The following SMG6 variants were observed in gnomAD, a reference collection of about 807,000 sequenced individuals.
The protein encoded by SMG6 is telomerase-binding protein EST1A.
Under a neutral mutation model 142.2 loss-of-function variants are expected in SMG6, and 66 were observed. That is an observed-to-expected ratio of 0.46 (90% CI 0.38 to 0.57). The LOEUF (loss-of-function observed/expected upper bound fraction) is 0.57. Ranked by LOEUF, SMG6 falls within the 20% of genes least tolerant of loss-of-function variation. SMG6 has a pLI of 0.00. For missense variants in SMG6, 1,793 were observed against 1,832.0 expected (o/e 0.98, Z 0.39); for synonymous variants, 779 against 702.4 (o/e 1.11, Z -1.72).
At chr17:2,086,258 G>A (rs2068558543) in intron 13 of SMG6, among the ~76,000 whole-genome samples, 1 of 152,216 alleles carries the variant, frequency 6.6e-6, no homozygotes, top group Non-Finnish European at 1.5e-5. Context: ...AGAGGGAAGA[G>A]TGGAGTGCTT....
At chr17:2,152,463 A>G (rs1285415988) in intron 13 of SMG6, among the ~76,000 whole-genome samples, 1 of 152,216 alleles carries the variant, frequency 6.6e-6, no homozygotes, top group Non-Finnish European at 1.5e-5. Context: ...TACCTGACAA[A>G]GGATTTGCAT....
chr17:2,127,710 A>G lies in SMG6; in HGVS notation c.3358-41809T>C, dbSNP rs533694208. Reference sequence around the variant, plus strand: ...CTAATTTAGTATCTGTTCGGACTTTAATCACTTCATCCATTACTTGTTTTA... The same window carrying G: ...CTAATTTAGTATCTGTTCGGACTTTGATCACTTCATCCATTACTTGTTTTA... On this transcript the variant is annotated intron_variant, in intron 13 of 18. Transcript: ENST00000263073. 8.8e-5 allele frequency: 50 copies of G among 566,626 alleles called. 2 individuals are homozygous for G. Among genetic ancestry groups the G allele is most frequent in the African/African-American group, 2.6e-4 (14 of 53,308 alleles). The allele number at this position is 566,626 out of a possible 1,614,324, so 35.1% of individuals were successfully genotyped here.
chr17:2,149,633 T>C (rs963079325), intron 13 of SMG6, among the ~76,000 whole-genome samples: 1 of 152,206 alleles, frequency 6.6e-6, no homozygotes, highest in Non-Finnish European at 1.5e-5. Context: ...TAGGCACTCC[T>C]TGACATCGTG....
intron 13 of SMG6, among the ~76,000 whole-genome samples, chr17:2,159,022 C>G (rs1175068244): frequency 6.6e-6 from 1 of 151,938 alleles, no homozygotes; most frequent in African/African-American, 2.4e-5. Flanking sequence ...AGAAAACACC[C>G]CAATGTTTAA....
intron 6 of SMG6, among the ~76,000 whole-genome samples, chr17:2,287,549 T>C (rs2151386808): frequency 6.6e-6 from 1 of 152,324 alleles, no homozygotes; most frequent in East Asian, 1.9e-4. Flanking sequence ...TCTGGGTATG[T>C]ACCCAGAAGA....
intron 12 of SMG6, among the ~76,000 whole-genome samples, chr17:2,181,481 A>T (rs2071804339): frequency 6.6e-6 from 1 of 152,212 alleles, no homozygotes; most frequent in Non-Finnish European, 1.5e-5. Context: ...AGAGCACAGA[A>T]GGAGATGTTT....
chr17:2,139,168 T>C (rs962661921), intron 13 of SMG6, among the ~76,000 whole-genome samples: 5 of 152,180 alleles, frequency 3.3e-5, no homozygotes, highest in East Asian at 3.8e-4. Context: ...TTCCAGGGTA[T>C]TGGGAGTGAC....
chr17:2,262,450 T>C (rs1205662690), intron 8 of SMG6, among the ~76,000 whole-genome samples: 8 of 152,224 alleles, frequency 5.3e-5, no homozygotes, highest in Admixed American at 5.2e-4. Context: ...ATCTGTACCA[T>C]GGCCCAAGAC....
At chr17:2,161,489 A>C (rs186121652) in intron 13 of SMG6, among the ~76,000 whole-genome samples, 1 of 151,486 alleles carries the variant, frequency 6.6e-6, no homozygotes, top group East Asian at 1.9e-4. Flanking sequence ...TCGGCTCACT[A>C]ATCTTCAGGT....
At chr17:2,172,584 C>G (rs908216324) in intron 13 of SMG6, 74 bp downstream of exon 13, 4 of 1,529,548 alleles carry the variant, frequency 2.6e-6, no homozygotes, top group Non-Finnish European at 3.6e-6. Context: ...GCACAGAAAA[C>G]TTCCCAAGAA....
At chr17:2,267,228 A>G (rs1294576092) in intron 8 of SMG6, among the ~76,000 whole-genome samples, 1 of 152,200 alleles carries the variant, frequency 6.6e-6, no homozygotes, top group Non-Finnish European at 1.5e-5. Flanking sequence ...CTTTTGAGGC[A>G]GGGTCTCACT....
chr17:2,186,716 G>A lies in SMG6; in HGVS notation c.3102C>T (p.Leu1034=), dbSNP rs765133081. The A allele has an allele frequency of 3.6e-5, 58 of 1,614,074 alleles. No individual in the cohort carries two copies. The highest frequency in any genetic ancestry group is 6.7e-5 in the East Asian group (3 of 44,886). The change falls in exon 12 of 19, where the codon CTC becomes CTT. Residue 1034 remains leucine (L), a synonymous_variant. Transcript: ENST00000263073. ...GAGGATTCCAGGTGTCCGGGTAGCC[G>A]AGCATCCAATCTGACCAGACTTTGA... ...PSVKVWSDWM[L]GYPDTWNPPP... is the part of the protein sequence containing the mutation.
chr17:2,296,071 G>A (rs9902470), intron 4 of SMG6, among the ~76,000 whole-genome samples: 1 of 152,128 alleles, frequency 6.6e-6, no homozygotes, highest in Non-Finnish European at 1.5e-5. Context: ...ATTTGCCCAA[G>A]TGACTGGTTC....
intron 13 of SMG6, among the ~76,000 whole-genome samples, chr17:2,109,398 T>C (rs1272505102): frequency 6.6e-6 from 1 of 152,080 alleles, no homozygotes; most frequent in Non-Finnish European, 1.5e-5. Context: ...TAAGTAGCTG[T>C]GATTATAGGC....
At chr17:2,173,782 CACTT>C (rs1276585487) in intron 12 of SMG6, among the ~76,000 whole-genome samples, 2 of 148,850 alleles carry the variant, frequency 1.3e-5, no homozygotes, top group Non-Finnish European at 3.0e-5. Flanking sequence ...CTGTCACCAT[CACTT>C]GTCAAAAATC....
chr17:2,081,358 G>T (rs1255334319), intron 15 of SMG6, among the ~76,000 whole-genome samples: 1 of 152,064 alleles, frequency 6.6e-6, no homozygotes, highest in East Asian at 1.9e-4. Context: ...GGAGTATCTT[G>T]TCCAGAGGAG....
intron 10 of SMG6, among the ~76,000 whole-genome samples, chr17:2,224,977 G>A (rs2073275282): frequency 6.6e-6 from 1 of 152,138 alleles, no homozygotes; most frequent in South Asian, 2.1e-4. Context: ...TCAATGGGCT[G>A]AGCAAAAGTA....
rs1567562238 is a variant in SMG6 at position 2,061,470 on chromosome 17, G to A, written c.*22C>T. The A allele has an allele frequency of 6.4e-7, 1 of 1,565,378 alleles. No homozygotes were observed. On this transcript the variant is annotated 3_prime_UTR_variant, in exon 19 of 19. Transcript: ENST00000263073. ...GCCTTTCAGGAACGGTTCCACGGGG[G>A]GGGGGCCCCAGTGTGGCTCCCTCAG... is the stretch of plus-strand genomic sequence containing the variant.
Position 2,297,310 on chromosome 17 carries a change from G to A in SMG6, c.2084C>T (p.Thr695Ile), listed in dbSNP as rs2075164840. 4 of 1,613,156 alleles carry A rather than the reference G, an allele frequency of 2.5e-6. No individual in the cohort carries two copies. The highest frequency in any genetic ancestry group is 1.7e-6 in the Non-Finnish European group (2 of 1,179,690). ...FDSLLQKLQV[T>I]YKFKLEDYMD... is the part of the protein sequence containing the mutation. ...GTAGTCTTCCAGTTTGAACTTGTAA[G>A]TAACCTGCAGCTTCTGAAGCAAACT... is the stretch of plus-strand genomic sequence containing the variant. The change falls in exon 4 of 19, where the codon ACT (threonine) becomes ATT (isoleucine). Residue 695 changes from threonine to isoleucine, a missense_variant. Physicochemically the swap from Thr to Ile is moderately conservative, Grantham distance 89. This residue lies in a region of SMG6 where 1,597 missense variants were observed against 1,584.6 expected (regional missense o/e 1.01). Coordinates refer to ENST00000263073, the MANE Select transcript of SMG6 (RefSeq NM_017575.5).
Sources: gnomAD v4.1 joint callset for allele counts (sites outside exome capture counted in the v4.1 genomes callset) on GRCh38, gnomAD v4.1.1 for gene constraint, gnomAD v4.1.1 regional missense constraint, MANE v1.5 for transcripts, NCBI Gene and HGNC (gene_info 2026-07-23, HGNC 2026-07-21) for gene names.